Variants in RPS6KA2 observed in about 807,000 individuals in gnomAD.
The protein encoded by RPS6KA2 is ribosomal protein S6 kinase A2, also known as ribosomal protein S6 kinase alpha-2.
RPS6KA2 carries 42 observed loss-of-function variants against 91.8 expected under a neutral mutation model. The observed-to-expected ratio is 0.46, with a 90% CI of 0.36 to 0.59. RPS6KA2 has a LOEUF of 0.59. Among genes scored for constraint, RPS6KA2 ranks in the 20% least tolerant of loss-of-function variants. RPS6KA2 has a pLI of 0.00. For missense variants in RPS6KA2, 798 were observed against 978.5 expected (o/e 0.82, Z 2.46); for synonymous variants, 414 against 393.6 (o/e 1.05, Z -0.61).
intron 7 of RPS6KA2, 60 bp from the exon 8 acceptor site, chr6:166,498,710 C>G: frequency 6.3e-7 from 1 of 1,592,098 alleles, no homozygotes; most frequent in Non-Finnish European, 8.5e-7. Flanking sequence ...GGGGTCCACA[C>G]TCAGGCGGGC....
At chr6:166,661,085 G>T (rs1246935961) in intron 2 of RPS6KA2, among the ~76,000 whole-genome samples, 4 of 118,368 alleles carry the variant, frequency 3.4e-5, no homozygotes, top group African/African-American at 6.1e-5. Context: ...CTGCCAATTT[G>T]TATGGCCAAA....
Position 166,435,787 on chromosome 6 carries a change from G to T in RPS6KA2, c.1333-3297C>A, listed in dbSNP as rs1177905342. Among the ~76,000 whole-genome samples the T allele has an allele frequency of 6.6e-6, 1 of 152,246 alleles. No individual in the cohort carries two copies. Among genetic ancestry groups the T allele is most frequent in the Non-Finnish European group, 1.5e-5 (1 of 68,042 alleles). On this transcript the variant is annotated intron_variant, in intron 14 of 20. Coordinates refer to ENST00000265678, the MANE Select transcript of RPS6KA2 (RefSeq NM_021135.6). The surrounding 1 kb of genome is among the most constrained non-coding windows in gnomAD (Gnocchi z 4.3). ...GGCTTGGCCTGTGGCCATGTCACTT[G>T]CTGGTACTTGAATGTGGGTGTCTGC... is the stretch of plus-strand genomic sequence containing the variant.
intron 1 of RPS6KA2, among the ~76,000 whole-genome samples, chr6:166,600,236 C>T (rs141141741): frequency 2.6e-5 from 4 of 152,328 alleles, no homozygotes; most frequent in East Asian, 1.9e-4. Flanking sequence ...GTCTCAGGAG[C>T]TCACGTGATC....
At chr6:166,715,953 G>A (rs1012037098) in intron 2 of RPS6KA2, among the ~76,000 whole-genome samples, 2 of 145,278 alleles carry the variant, frequency 1.4e-5, no homozygotes, top group Non-Finnish European at 3.0e-5. Flanking sequence ...CAAAAGAATC[G>A]CTTGAGCCCT....
chr6:166,694,605 T>C (rs1789304993), intron 2 of RPS6KA2, among the ~76,000 whole-genome samples: 2 of 152,210 alleles, frequency 1.3e-5, no homozygotes, highest in Non-Finnish European at 2.9e-5. Flanking sequence ...AAAGTCGCAA[T>C]TGCAGGATCC....
intron 3 of RPS6KA2, among the ~76,000 whole-genome samples, chr6:166,526,360 T>C (rs1278337811): frequency 8.2e-6 from 1 of 122,464 alleles, no homozygotes; most frequent in African/African-American, 3.3e-5. Flanking sequence ...TTTTTTTTTT[T>C]TTTTGGACAG....
chr6:166,419,090 A>T lies in RPS6KA2; in HGVS notation c.1821-748T>A, dbSNP rs1423438813. On this transcript the variant is annotated intron_variant, in intron 18 of 20. Transcript: ENST00000265678. The surrounding 1 kb of genome is among the most constrained non-coding windows in gnomAD (Gnocchi z 5.6). Reference sequence around the variant, plus strand: ...GATTTACTCTCCTTCTGCTGTGGACACTACCTGTTGACTTATGATGAAATA... The same window carrying T: ...GATTTACTCTCCTTCTGCTGTGGACTCTACCTGTTGACTTATGATGAAATA... Among the ~76,000 whole-genome samples the T allele has an allele frequency of 6.6e-6, 1 of 152,218 alleles. No individual in the cohort carries two copies. Among genetic ancestry groups the T allele is most frequent in the Non-Finnish European group, 1.5e-5 (1 of 68,030 alleles).
intron 10 of RPS6KA2, among the ~76,000 whole-genome samples, chr6:166,470,459 C>T (rs1184391052): frequency 1.3e-5 from 2 of 152,258 alleles, no homozygotes; most frequent in South Asian, 2.1e-4. Context: ...CTGTGTTTAC[C>T]TGGAGGCTGC....
At chr6:166,819,256 T>A (rs905392431) in intron 2 of RPS6KA2, among the ~76,000 whole-genome samples, 16 of 152,200 alleles carry the variant, frequency 1.1e-4, no homozygotes, top group African/African-American at 3.4e-4. Flanking sequence ...TTTGTTTTGT[T>A]TTTACAAGGT....
intron 2 of RPS6KA2, among the ~76,000 whole-genome samples, chr6:166,729,675 T>C (rs933630084): frequency 6.6e-6 from 1 of 152,204 alleles, no homozygotes; most frequent in South Asian, 2.1e-4. Context: ...AAGAAAGCAA[T>C]GTTTTCCTCT....
intron 1 of RPS6KA2, among the ~76,000 whole-genome samples, chr6:166,607,358 C>G (rs1020525853): frequency 6.6e-6 from 1 of 152,066 alleles, no homozygotes; most frequent in Non-Finnish European, 1.5e-5. Flanking sequence ...CCATTAGTCA[C>G]AACAGCCAAA....
At position 166,437,536 on chromosome 6, in the gene RPS6KA2, A is replaced by G. The variant is rs1779367222; in HGVS notation, c.1333-5046T>C. ...CAGCTGGTTAGAAAGGACTCCTACA[A>G]CCTCCAGAGAAGGGCATTCTCCAGG... is the stretch of plus-strand genomic sequence containing the variant. On this transcript the variant is annotated intron_variant, in intron 14 of 20. Transcript: ENST00000265678. The surrounding 1 kb of genome is among the most constrained non-coding windows in gnomAD (Gnocchi z 4.3). Among the ~76,000 whole-genome samples, 1 of 152,016 alleles carries G rather than the reference A, an allele frequency of 6.6e-6. No homozygotes were observed. Among genetic ancestry groups the G allele is most frequent in the Admixed American group, 6.6e-5 (1 of 15,260 alleles).
chr6:166,713,192 T>C (rs1053363511), intron 2 of RPS6KA2, among the ~76,000 whole-genome samples: 1 of 152,166 alleles, frequency 6.6e-6, no homozygotes, highest in Non-Finnish European at 1.5e-5. Context: ...CTTTCTCTCT[T>C]TTCAGGGCGG....
At chr6:166,486,544 G>A (rs1781416549) in intron 10 of RPS6KA2, among the ~76,000 whole-genome samples, 1 of 152,206 alleles carries the variant, frequency 6.6e-6, no homozygotes, top group Non-Finnish European at 1.5e-5. Context: ...CCTTGACTGG[G>A]GACAGCGCTA....
intron 1 of RPS6KA2, chr6:166,585,998 C>T: frequency 1.9e-6 from 1 of 515,194 alleles, no homozygotes; most frequent in Non-Finnish European, 3.0e-6. Flanking sequence ...AAAGTCTCAA[C>T]TTCCAAAAAA....
intron 1 of RPS6KA2, among the ~76,000 whole-genome samples, chr6:166,574,986 G>A (rs1311251275): frequency 1.3e-5 from 2 of 152,088 alleles, no homozygotes; most frequent in Non-Finnish European, 2.9e-5. Flanking sequence ...TGAACAAATC[G>A]AGAAAGATGG....
rs772624673 is a variant in RPS6KA2 at position 166,574,729 on chromosome 6, TAA to T, written c.100-35947_100-35946del. Among the ~76,000 whole-genome samples, 13 of 152,284 alleles carry T rather than the reference TAA, an allele frequency of 8.5e-5. No individual in the cohort carries two copies. The East Asian group carries it at 2.3e-3, about 27-fold the overall frequency. On this transcript the variant is annotated intron_variant, in intron 1 of 20. Coordinates refer to ENST00000265678, the MANE Select transcript of RPS6KA2 (RefSeq NM_021135.6). The stretch of plus-strand genomic sequence containing the variant: ...TTAAGTTCTGCAAGAGTATTTTAAA[TAA>T]AAAGTTATATAAAGATAGGAGTAAG...
intron 11 of RPS6KA2, among the ~76,000 whole-genome samples, chr6:166,461,513 AGAGAGATGGG>A (rs202187372): frequency 0.25 from 28,535 of 111,998 alleles, 3,732 homozygotes; most frequent in Admixed American, 0.35. Flanking sequence ...AGAGAGAGAG[AGAGAGATGGG>A]GAGAGATGGG....
chr6:166,752,312 C>A (rs542581539), intron 2 of RPS6KA2, among the ~76,000 whole-genome samples: 1 of 152,274 alleles, frequency 6.6e-6, no homozygotes, highest in African/African-American at 2.4e-5. Context: ...TCCACAGTCA[C>A]CGCAGAGCAA....
Sources: allele counts gnomAD v4.1 joint callset (sites outside exome capture counted in the v4.1 genomes callset), GRCh38; gene constraint gnomAD v4.1.1; non-coding constraint Gnocchi (gnomAD v3.1); transcripts MANE v1.5; gene names NCBI Gene and HGNC (gene_info 2026-07-23, HGNC 2026-07-21).